The following MIS18BP1 variants were observed in gnomAD, a reference collection of about 807,000 sequenced individuals.
The protein encoded by MIS18BP1 is MIS18 binding protein 1.
In MIS18BP1, 72 loss-of-function variants were observed where a neutral mutation model predicts 116.1. The observed-to-expected ratio is 0.62, with a 90% CI of 0.51 to 0.75. The LOEUF is 0.75. MIS18BP1 is among the 30% of genes least tolerant of loss of function. The probability of loss-of-function intolerance (pLI) is 0.00; values close to 1 mark genes in which losing one functional copy is unlikely to be tolerated. For missense variants in MIS18BP1, 1,363 were observed against 1,303.2 expected (o/e 1.05, Z -0.71); for synonymous variants, 386 against 427.0 (o/e 0.90, Z 1.18).
rs1891741168 is a variant in MIS18BP1 at position 45,247,041 on chromosome 14, C to G, written c.246G>C (p.Glu82Asp). ...CAAGAGAACTGTTAGAGGTAGTAGCCTCTGTTAGCATAGTTGATTGAAATA... is the reference window on the plus strand; with the variant it reads ...CAAGAGAACTGTTAGAGGTAGTAGCGTCTGTTAGCATAGTTGATTGAAATA... ...KNIFQSTMLT[E>D]ATTSNSSLDI... Residue 82 changes from glutamate to aspartate, a missense_variant, in exon 2 of 17, where the codon GAG (glutamate) becomes GAC (aspartate). Transcript: ENST00000310806. 1 of 1,613,338 alleles carries G rather than the reference C, an allele frequency of 6.2e-7. No homozygotes were observed. The highest frequency in any genetic ancestry group is 8.5e-7 in the Non-Finnish European group (1 of 1,179,872).
At chr14:45,249,699 C>G (rs1271698441) in intron 1 of MIS18BP1, among the ~76,000 whole-genome samples, 1 of 152,082 alleles carries the variant, frequency 6.6e-6, no homozygotes, top group South Asian at 2.1e-4. Context: ...GGTGAATCCC[C>G]GTCTTTACTA....
At position 45,206,095 on chromosome 14, in the gene MIS18BP1, G is replaced by T; in HGVS notation, c.3228C>A (p.Ile1076=). 1 of 1,595,146 alleles carries T rather than the reference G, an allele frequency of 6.3e-7. No homozygotes were observed. Among genetic ancestry groups the T allele is most frequent in the Non-Finnish European group, 8.6e-7 (1 of 1,167,076 alleles). The change falls in exon 15 of 17, where the codon ATC becomes ATA. Residue 1076 remains isoleucine, a synonymous_variant. Transcript: ENST00000310806. ...KSNGGIVWGN[I]KKKLVETDFS... Reference sequence around the variant, plus strand: ...GAAAAATACTTACTAATTTTTTCTTGATGTTGCCCCAGACAATACCACCAT... The same window carrying T: ...GAAAAATACTTACTAATTTTTTCTTTATGTTGCCCCAGACAATACCACCAT...
intron 2 of MIS18BP1, among the ~76,000 whole-genome samples, chr14:45,244,987 T>C (rs781355997): frequency 4.6e-5 from 7 of 152,200 alleles, no homozygotes; most frequent in Non-Finnish European, 1.0e-4. Flanking sequence ...CAACAGCATA[T>C]AAAAATGCTG....
At chr14:45,219,471 C>T (rs755980138) in intron 11 of MIS18BP1, among the ~76,000 whole-genome samples, 9 of 151,966 alleles carry the variant, frequency 5.9e-5, no homozygotes, top group Non-Finnish European at 1.3e-4. Context: ...CACCATACCA[C>T]AGAGGTGAAG....
At chr14:45,244,330 G>T (rs1004436853) in intron 2 of MIS18BP1, among the ~76,000 whole-genome samples, 5 of 152,166 alleles carry the variant, frequency 3.3e-5, no homozygotes, top group Non-Finnish European at 7.4e-5. Flanking sequence ...ATCAGTGACT[G>T]AAACTCATTA....
At chr14:45,214,416 G>A (rs1890758320) in intron 13 of MIS18BP1, among the ~76,000 whole-genome samples, 1 of 152,122 alleles carries the variant, frequency 6.6e-6, no homozygotes, top group African/African-American at 2.4e-5. Flanking sequence ...TTGTTTACAT[G>A]TTTTCCTGCT....
Position 45,237,619 on chromosome 14 carries a change from T to C in MIS18BP1, c.1217+29A>G, listed in dbSNP as rs765500048. On this transcript the variant is annotated intron_variant, in intron 5 of 16. Transcript: ENST00000310806. ...GTGCTTACACATAACTAAAGTTTTA[T>C]TAAAAGAATAATGAAATAGTATACT... is the stretch of plus-strand genomic sequence containing the variant. The C allele has an allele frequency of 1.2e-5, 19 of 1,582,494 alleles. 1 individual carries two copies. In the South Asian group the frequency reaches 2.1e-4, roughly 18 times the overall value.
chr14:45,210,677 G>T lies in MIS18BP1; in HGVS notation c.3004-149C>A, dbSNP rs1233386411. On this transcript the variant is annotated intron_variant, in intron 13 of 16. Coordinates refer to ENST00000310806, the MANE Select transcript of MIS18BP1 (RefSeq NM_018353.5). ...AACAGTAGTACGTAGAGGAGTAGAG[G>T]CTAGAGGAACTCCATTTTAGATGCT... is the stretch of plus-strand genomic sequence containing the variant. 4.6e-6 allele frequency: 4 copies of T among 873,726 alleles called. No individual in the cohort carries two copies. The African/African-American group carries it at 6.8e-5, about 15-fold the overall frequency. 54.1% of individuals were successfully genotyped at this position (873,726 alleles called of 1,614,324 possible).
rs1890575544 is a variant in MIS18BP1, at chr14:45,208,297, CT to C, written c.3152+2082del. Among the ~76,000 whole-genome samples, 3 of 147,444 alleles carry C rather than the reference CT, an allele frequency of 2.0e-5. No individual in the cohort carries two copies. The South Asian group carries it at 6.5e-4, about 32-fold the overall frequency. ...CAAATCTCATATTTCCTTAAAGTGTCTAATAAAATTCAACGGCCAAAAGGAT... is the reference window on the plus strand; with the variant it reads ...CAAATCTCATATTTCCTTAAAGTGTCAATAAAATTCAACGGCCAAAAGGAT... On this transcript the variant is annotated intron_variant, in intron 14 of 16. Coordinates refer to ENST00000310806, the MANE Select transcript of MIS18BP1 (RefSeq NM_018353.5).
At chr14:45,205,986 TCAGGGA>T (rs1890504632) in intron 15 of MIS18BP1, 91 bp downstream of exon 15, 1 of 737,070 alleles carries the variant, frequency 1.4e-6, no homozygotes, top group Non-Finnish European at 2.3e-6. Flanking sequence ...TATAATCACC[TCAGGGA>T]CAGGGACTGT....
Position 45,204,261 on chromosome 14 carries a change from T to G in MIS18BP1, c.3296-49A>C, listed in dbSNP as rs747838151. On this transcript the variant is annotated intron_variant, in intron 16 of 16. Transcript: ENST00000310806. Reference sequence around the variant, plus strand: ...AGATAATAAATTTCTAAAAGTACTTTCAATAAAACTGAAAACAACTATAAG... The same window carrying G: ...AGATAATAAATTTCTAAAAGTACTTGCAATAAAACTGAAAACAACTATAAG... 3.2e-6 allele frequency: 5 copies of G among 1,551,752 alleles called. No homozygotes were observed. The African/African-American group carries it at 7.0e-5, about 22-fold the overall frequency.
chr14:45,246,096 A>G (rs1891715254), intron 2 of MIS18BP1, among the ~76,000 whole-genome samples: 1 of 152,186 alleles, frequency 6.6e-6, no homozygotes. Context: ...ACATTTTAAA[A>G]ACATTGTCAT....
In MIS18BP1 at chr14:45,224,157, T is replaced by G; in HGVS notation, c.2430A>C (p.Thr810=). ...VVHLRKSTRN[T]SNIPVILEPE... is the part of the protein sequence containing the mutation. The stretch of plus-strand genomic sequence containing the variant: ...GTTCCAAAATCACTGGAATATTACT[T>G]GTGTTTCTTGTGCTCTTTCTCAGGT... Residue 810 remains threonine, a synonymous_variant, in exon 11 of 17, where the codon ACA becomes ACC. Transcript: ENST00000310806. 1 of 1,613,966 alleles carries G rather than the reference T, an allele frequency of 6.2e-7. No individual in the cohort carries two copies. Among genetic ancestry groups the G allele is most frequent in the Non-Finnish European group, 8.5e-7 (1 of 1,179,988 alleles).
At chr14:45,247,740 T>C (rs1258045107) in intron 1 of MIS18BP1, among the ~76,000 whole-genome samples, 2 of 152,060 alleles carry the variant, frequency 1.3e-5, no homozygotes, top group Non-Finnish European at 2.9e-5. Flanking sequence ...AAAAGATATA[T>C]GCATATGGCA....
At chr14:45,238,111 A>C (rs1037627179) in intron 4 of MIS18BP1, among the ~76,000 whole-genome samples, 2 of 141,516 alleles carry the variant, frequency 1.4e-5, no homozygotes, top group Non-Finnish European at 3.2e-5. Context: ...TTAAAAAATT[A>C]AGAGTTTTTT....
intron 13 of MIS18BP1, among the ~76,000 whole-genome samples, chr14:45,215,041 A>G (rs1012519085): frequency 7.2e-5 from 11 of 152,174 alleles, no homozygotes; most frequent in African/African-American, 2.7e-4. Flanking sequence ...GTGAGCCACC[A>G]TGCCCGGCAG....
intron 14 of MIS18BP1, among the ~76,000 whole-genome samples, chr14:45,207,762 CTG>C (rs1179953554): frequency 6.6e-6 from 1 of 152,180 alleles, no homozygotes; most frequent in Non-Finnish European, 1.5e-5. Flanking sequence ...AGTGATATAA[CTG>C]TTTGATTACT....
At chr14:45,237,837 G>T in intron 4 of MIS18BP1, 116 bp from the exon 5 acceptor site, 2 of 1,349,538 alleles carry the variant, frequency 1.5e-6, no homozygotes, top group Non-Finnish European at 1.9e-6. Flanking sequence ...ATTCCTTAGT[G>T]TCATCGATGT....
At position 45,242,229 on chromosome 14, in the gene MIS18BP1, C is replaced by G. The variant is rs1455229565; in HGVS notation, c.948G>C (p.Gln316His). 6.2e-7 allele frequency: 1 copy of G among 1,614,106 alleles called. No homozygotes were observed. Among genetic ancestry groups the G allele is most frequent in the Non-Finnish European group, 8.5e-7 (1 of 1,179,990 alleles). ...SERTTEGTSQ[Q>H]KVKEGNGKTV... Reference sequence around the variant, plus strand: ...TTTTTCCATTTCCTTCCTTAACTTTCTGTTGCGAAGTCCCTTCTGTTGTCC... The same window carrying G: ...TTTTTCCATTTCCTTCCTTAACTTTGTGTTGCGAAGTCCCTTCTGTTGTCC... Residue 316 changes from glutamine to histidine, a missense_variant, in exon 4 of 17, where the codon CAG becomes CAC. By Grantham distance (24) the Gln-to-His change is conservative. Transcript: ENST00000310806.
Sources: gnomAD v4.1 joint callset for allele counts (sites outside exome capture counted in the v4.1 genomes callset) on GRCh38, gnomAD v4.1.1 for gene constraint, MANE v1.5 for transcripts, NCBI Gene and HGNC (gene_info 2026-07-23, HGNC 2026-07-21) for gene names.